Variants in NRG1 observed in about 807,000 individuals in gnomAD.
NRG1 encodes the protein neuregulin 1, also known as pro-neuregulin-1, membrane-bound isoform.
NRG1 carries 18 observed loss-of-function variants against 63.8 expected under a neutral mutation model. That is an observed-to-expected ratio of 0.28 (90% CI 0.19 to 0.42). The LOEUF is 0.42. Ranked by LOEUF, NRG1 falls within the 10% of genes least tolerant of loss-of-function variation. The pLI is 1.00. For synonymous variants in NRG1, 302 were observed against 301.3 expected (o/e 1.00, Z -0.02); for missense variants, 762 against 814.7 (o/e 0.94, Z 0.79).
At chr8:32,111,111 T>C (rs141649234) in intron 1 of NRG1, among the ~76,000 whole-genome samples, 2 of 152,036 alleles carry the variant, frequency 1.3e-5, no homozygotes, top group African/African-American at 4.8e-5. Flanking sequence ...TGAGCTATCA[T>C]TTTTTTTCTT....
At chr8:32,617,404 T>C (rs1358280269) in intron 5 of NRG1, among the ~76,000 whole-genome samples, 1 of 152,258 alleles carries the variant, frequency 6.6e-6, no homozygotes. Context: ...AGCAAGCCCC[T>C]AGGCAAGATC....
intron 1 of NRG1, among the ~76,000 whole-genome samples, chr8:32,230,013 G>C (rs1846750910): frequency 6.6e-6 from 1 of 151,882 alleles, no homozygotes; most frequent in Admixed American, 6.6e-5. Flanking sequence ...CCAAACACGC[G>C]CCTAAAAGTT....
chr8:32,561,380 C>A (rs1836361815), intron 1 of NRG1, among the ~76,000 whole-genome samples: 1 of 152,062 alleles, frequency 6.6e-6, no homozygotes, highest in African/African-American at 2.4e-5. Context: ...GTATCTTGTA[C>A]CCAAGTAGCT....
intron 1 of NRG1, among the ~76,000 whole-genome samples, chr8:31,747,281 C>G (rs986878404): frequency 6.6e-6 from 1 of 151,872 alleles, no homozygotes; most frequent in Non-Finnish European, 1.5e-5. Context: ...CCATGTACCC[C>G]GTGAATATAT....
At chr8:32,563,159 G>A (rs890488325) in intron 1 of NRG1, among the ~76,000 whole-genome samples, 18 of 152,280 alleles carry the variant, frequency 1.2e-4, no homozygotes, top group African/African-American at 4.1e-4. Context: ...GCTGTCATTA[G>A]TGTTAGTGTA....
chr8:32,548,403 T>C, exon 1 of NRG1: 1 of 1,083,098 alleles, frequency 9.2e-7, no homozygotes, highest in Non-Finnish European at 1.1e-6. Context: ...GGTGATAACC[T>C]CTCCCCGATC....
chr8:32,715,327 C>T (rs189572209), intron 5 of NRG1, among the ~76,000 whole-genome samples: 1 of 152,178 alleles, frequency 6.6e-6, no homozygotes, highest in East Asian at 1.9e-4. Context: ...ATTCCTAGGA[C>T]TTGTGTGATC....
chr8:32,029,120 T>C (rs1328973394), intron 1 of NRG1, among the ~76,000 whole-genome samples: 1 of 152,184 alleles, frequency 6.6e-6, no homozygotes, highest in Non-Finnish European at 1.5e-5. Flanking sequence ...GCTTTCAAAT[T>C]TGATTAAAGA....
At chr8:32,540,989 T>C (rs1832520344) in intron 1 of NRG1, among the ~76,000 whole-genome samples, 1 of 152,228 alleles carries the variant, frequency 6.6e-6, no homozygotes, top group Non-Finnish European at 1.5e-5. Flanking sequence ...CTTGCCTTCT[T>C]GAGTTGTTAA....
chr8:32,480,986 A>T (rs887541446), intron 1 of NRG1, among the ~76,000 whole-genome samples: 4 of 152,332 alleles, frequency 2.6e-5, no homozygotes. Context: ...ACATTAAAAT[A>T]TGCATCACAT....
At chr8:32,107,454 A>G (rs1274825145) in intron 1 of NRG1, among the ~76,000 whole-genome samples, 1 of 152,206 alleles carries the variant, frequency 6.6e-6, no homozygotes, top group African/African-American at 2.4e-5. Context: ...CTCCTAGAGA[A>G]TTTTCATGGG....
rs144791325 is a variant in NRG1 at position 32,241,879 on chromosome 8, C to A, written c.38-353949C>A. Reference sequence around the variant, plus strand: ...GCTTAAGCAATCCTCCCACCTCAGCCTCCTGAGTAGCTGGGACTACAGGTC... The same window carrying A: ...GCTTAAGCAATCCTCCCACCTCAGCATCCTGAGTAGCTGGGACTACAGGTC... On this transcript the variant is annotated intron_variant, in intron 1 of 10. Coordinates refer to the NRG1 transcript ENST00000519301. Among the ~76,000 whole-genome samples, 985 of 152,080 alleles carry A rather than the reference C, an allele frequency of 6.5e-3. 14 individuals carry two copies. Among genetic ancestry groups the A allele is most frequent in the African/African-American group, 0.023 (961 of 41,480 alleles).
chr8:32,333,005 T>A (rs1014778957), intron 1 of NRG1, among the ~76,000 whole-genome samples: 1 of 152,190 alleles, frequency 6.6e-6, no homozygotes, highest in African/African-American at 2.4e-5. Context: ...TATCCTTCCA[T>A]GCATTGTTTA....
intron 6 of NRG1, among the ~76,000 whole-genome samples, chr8:32,728,778 A>G (rs969425332): frequency 6.6e-6 from 1 of 152,164 alleles, no homozygotes; most frequent in African/African-American, 2.4e-5. Flanking sequence ...GAAGTATCCA[A>G]TTTAGGCCTG....
chr8:31,921,112 A>G (rs976760714), intron 1 of NRG1, among the ~76,000 whole-genome samples: 2 of 152,204 alleles, frequency 1.3e-5, no homozygotes, highest in African/African-American at 2.4e-5. Context: ...ACAATATGCA[A>G]TACCTTCCTA....
At chr8:32,555,233 A>G (rs533545515) in intron 1 of NRG1, among the ~76,000 whole-genome samples, 28 of 152,100 alleles carry the variant, frequency 1.8e-4, no homozygotes, top group Non-Finnish European at 3.2e-4. Flanking sequence ...TGAAGTGCAC[A>G]TGGTACCCAC....
intron 1 of NRG1, among the ~76,000 whole-genome samples, chr8:32,496,913 G>A (rs958229961): frequency 2.0e-5 from 3 of 152,094 alleles, no homozygotes; most frequent in Non-Finnish European, 4.4e-5. Context: ...ATGAAATTAT[G>A]TAACATAGGA....
chr8:31,931,652 A>C (rs1834873815), intron 1 of NRG1, among the ~76,000 whole-genome samples: 1 of 152,188 alleles, frequency 6.6e-6, no homozygotes, highest in African/African-American at 2.4e-5. Flanking sequence ...TTGTCAAAGA[A>C]TATAATACTG....
chr8:31,646,646 T>C (rs1278038992), intron 1 of NRG1, among the ~76,000 whole-genome samples: 4 of 152,266 alleles, frequency 2.6e-5, no homozygotes, highest in Non-Finnish European at 4.4e-5. Flanking sequence ...GTAAATTTTT[T>C]TGGCCTCTTT....
Sources: allele counts gnomAD v4.1 joint callset (sites outside exome capture counted in the v4.1 genomes callset), GRCh38; gene constraint gnomAD v4.1.1; transcripts MANE v1.5; gene names NCBI Gene and HGNC (gene_info 2026-07-23, HGNC 2026-07-21).